The following NCAM1 variants were observed in gnomAD, a reference collection of about 807,000 sequenced individuals.
The protein encoded by NCAM1 is neural cell adhesion molecule 1.
A neutral mutation model predicts 109.8 loss-of-function variants in NCAM1; 14 were observed. That is an observed-to-expected ratio of 0.13 (90% CI 0.08 to 0.20). The LOEUF is 0.20. NCAM1 is among the 10% of genes least tolerant of loss of function. The pLI, the probability that NCAM1 is intolerant of heterozygous loss-of-function variation, is 1.00. For missense variants in NCAM1, 774 were observed against 1,109.9 expected, an observed-to-expected ratio of 0.70 and a Z score of 4.30; for synonymous variants, 418 against 442.9, an observed-to-expected ratio of 0.94 and a Z score of 0.70.
At chr11:113,029,204 C>G (rs1284251373) in intron 1 of NCAM1, among the ~76,000 whole-genome samples, 2 of 152,100 alleles carry the variant, frequency 1.3e-5, no homozygotes, top group Non-Finnish European at 2.9e-5. Flanking sequence ...GTATGTGTTT[C>G]TTGGAAGTTA....
intron 1 of NCAM1, among the ~76,000 whole-genome samples, chr11:113,013,991 G>A (rs2135155312): frequency 6.6e-6 from 1 of 152,158 alleles, no homozygotes; most frequent in African/African-American, 2.4e-5. Flanking sequence ...CAAGTTAAAA[G>A]GTCTAGATTT....
At chr11:113,043,087 G>A (rs965003365) in intron 1 of NCAM1, among the ~76,000 whole-genome samples, 9 of 152,198 alleles carry the variant, frequency 5.9e-5, no homozygotes, top group Admixed American at 2.6e-4. Flanking sequence ...GGGAAAGACA[G>A]AACTGCAGGT....
chr11:113,038,051 TC>T (rs1952949991), intron 1 of NCAM1, among the ~76,000 whole-genome samples: 1 of 152,178 alleles, frequency 6.6e-6, no homozygotes, highest in African/African-American at 2.4e-5. Context: ...TGACACCCAG[TC>T]CCGGGCTCCT....
At chr11:112,965,573 C>T (rs1387518634) in intron 1 of NCAM1, among the ~76,000 whole-genome samples, 1 of 152,152 alleles carries the variant, frequency 6.6e-6, no homozygotes, top group East Asian at 1.9e-4. Flanking sequence ...CTACAGAACC[C>T]AGTTTCTCAA....
In NCAM1 at chr11:113,214,407, A is replaced by G. The variant is rs1023305830; in HGVS notation, c.955A>G (p.Met319Val). The change falls in exon 8 of 20, where the codon ATG becomes GTG. Residue 319 changes from methionine to valine, a missense_variant. Physicochemically the swap from Met to Val is conservative, Grantham distance 21. Transcript: ENST00000316851. ...CACATATGTAGAGAACCAGACTGCCATGGAATTAGAGGAGCAGGTCACTCT... is the reference window on the plus strand; with the variant it reads ...CACATATGTAGAGAACCAGACTGCCGTGGAATTAGAGGAGCAGGTCACTCT... ...KITYVENQTA[M>V]ELEEQVTLTC... 3.1e-6 allele frequency: 5 copies of G among 1,613,976 alleles called. No homozygotes were observed. Among genetic ancestry groups the G allele is most frequent in the Non-Finnish European group, 4.2e-6 (5 of 1,179,858 alleles).
At chr11:113,240,780 C>A in intron 14 of NCAM1, 1 of 1,612,986 alleles carries the variant, frequency 6.2e-7, no homozygotes, top group Non-Finnish European at 8.5e-7. Flanking sequence ...ATTTTTCTTT[C>A]TTCAGCGGCA....
At chr11:113,023,690 A>T (rs936913247) in intron 1 of NCAM1, among the ~76,000 whole-genome samples, 3 of 152,188 alleles carry the variant, frequency 2.0e-5, no homozygotes, top group Non-Finnish European at 2.9e-5. Context: ...AAATATATAC[A>T]TATGTATTCA....
chr11:113,256,077 C>T, intron 16 of NCAM1, 76 bp downstream of exon 16: 1 of 1,528,376 alleles, frequency 6.5e-7, no homozygotes, highest in Non-Finnish European at 8.8e-7. Context: ...ACAACAGGGG[C>T]AGCCCACGGG....
intron 1 of NCAM1, among the ~76,000 whole-genome samples, chr11:112,975,404 C>A (rs1326459158): frequency 6.6e-6 from 1 of 151,934 alleles, no homozygotes; most frequent in Non-Finnish European, 1.5e-5. Flanking sequence ...AAGATGAATA[C>A]CATTCAGCTT....
chr11:113,190,331 G>C (rs1376598257), intron 1 of NCAM1, among the ~76,000 whole-genome samples: 1 of 152,188 alleles, frequency 6.6e-6, no homozygotes, highest in African/African-American at 2.4e-5. Flanking sequence ...CATAGCCTGA[G>C]GACTGTTAAC....
chr11:113,134,805 T>C (rs1008370497), intron 1 of NCAM1, among the ~76,000 whole-genome samples: 1 of 152,180 alleles, frequency 6.6e-6, no homozygotes, highest in Admixed American at 6.5e-5. Flanking sequence ...ATGTAAATGA[T>C]GTGAGCTCAA....
chr11:113,227,328 C>A (rs578205574), intron 9 of NCAM1, among the ~76,000 whole-genome samples: 8,192 of 152,006 alleles, frequency 0.054, 658 homozygotes, highest in African/African-American at 0.18. Flanking sequence ...ACTAGAAAAT[C>A]TAGAAGAAAT....
chr11:113,245,077 G>T (rs1407195169), intron 14 of NCAM1, among the ~76,000 whole-genome samples: 1 of 151,290 alleles, frequency 6.6e-6, no homozygotes, highest in Non-Finnish European at 1.5e-5. Flanking sequence ...CAAAAGGAAT[G>T]CTTAAGAAAA....
intron 9 of NCAM1, among the ~76,000 whole-genome samples, chr11:113,223,456 A>G (rs1944743117): frequency 6.7e-6 from 1 of 149,456 alleles, no homozygotes; most frequent in Admixed American, 6.7e-5. Context: ...ATAGGAATTA[A>G]AAAAAAAAAG....
rs77854480 is a variant in NCAM1 at position 113,048,999 on chromosome 11, G to A, written c.52+87335G>A. On this transcript the variant is annotated intron_variant, in intron 1 of 19. Coordinates refer to ENST00000316851, the MANE Select transcript of NCAM1 (RefSeq NM_181351.5). ...TGCAGTGATGAACCAGACCCCTACA[G>A]TTCCTGCCCTGGGATTAGAGTCAGC... is the stretch of plus-strand genomic sequence containing the variant. Among the ~76,000 whole-genome samples, 396 of 152,224 alleles carry A rather than the reference G, an allele frequency of 2.6e-3. 1 individual carries two copies. Among genetic ancestry groups the A allele is most frequent in the South Asian group, 8.9e-3 (43 of 4,822 alleles).
At chr11:112,987,030 T>C (rs1236321021) in intron 1 of NCAM1, among the ~76,000 whole-genome samples, 2 of 152,290 alleles carry the variant, frequency 1.3e-5, no homozygotes, top group East Asian at 3.9e-4. Context: ...TAGGCATTTA[T>C]TGTTATAAGT....
chr11:112,961,555 G>A lies in NCAM1; in HGVS notation c.-58G>A, dbSNP rs782311774. The A allele has an allele frequency of 4.2e-6, 3 of 712,204 alleles. No homozygotes were observed. Among genetic ancestry groups the A allele is most frequent in the East Asian group, 3.6e-5 (1 of 27,986 alleles). The allele number at this position is 712,204 out of a possible 1,614,324, so 44.1% of individuals were successfully genotyped here. ...TCAGCCGCCGTCCACACTCGCTGCA[G>A]GGGGGGGGGCACAGAATTTACCGCG... On this transcript the variant is annotated 5_prime_UTR_variant, in exon 1 of 20. Transcript: ENST00000316851.
At chr11:113,243,814 C>T (rs1555119609) in intron 14 of NCAM1, 2 of 238,628 alleles carry the variant, frequency 8.4e-6, no homozygotes, top group African/African-American at 4.5e-5. Flanking sequence ...AACTCCAGCT[C>T]CCCGGGCCAA....
At chr11:113,015,248 C>G (rs1272419774) in intron 1 of NCAM1, among the ~76,000 whole-genome samples, 1 of 152,190 alleles carries the variant, frequency 6.6e-6, no homozygotes, top group Non-Finnish European at 1.5e-5. Context: ...GTCACTGTCC[C>G]TGACCCTCCC....
Sources: gnomAD v4.1 joint callset for allele counts (sites outside exome capture counted in the v4.1 genomes callset) on GRCh38, gnomAD v4.1.1 for gene constraint, MANE v1.5 for transcripts, NCBI Gene and HGNC (gene_info 2026-07-23, HGNC 2026-07-21) for gene names.